Variants in BUD13 observed in about 807,000 individuals in gnomAD.
BUD13 encodes BUD13 spliceosome associated protein.
A neutral mutation model predicts 62.5 loss-of-function variants in BUD13; 47 were observed. That is an observed-to-expected ratio of 0.75 (90% CI 0.60 to 0.96). The LOEUF is 0.96. Among genes scored for constraint, BUD13 ranks in the 40% least tolerant of loss-of-function variants. The probability of loss-of-function intolerance (pLI) is 0.00; values close to 1 mark genes in which losing one functional copy is unlikely to be tolerated. For missense variants in BUD13, 821 were observed against 790.9 expected (o/e 1.04, Z -0.46); for synonymous variants, 293 against 280.1 (o/e 1.05, Z -0.46).
chr11:116,756,036 C>T (rs555810946), intron 9 of BUD13, among the ~76,000 whole-genome samples: 9 of 151,928 alleles, frequency 5.9e-5, no homozygotes, highest in African/African-American at 2.2e-4. Context: ...GGCAAAACCT[C>T]GTCTCTACTA....
rs370368913 is a variant in BUD13 at position 116,763,122 on chromosome 11, C to A, written c.467G>T (p.Arg156Leu). ...DTPDPSPRRARHDTPDPSPLR... is the reference protein window; with the variant it reads ...DTPDPSPRRALHDTPDPSPLR... ...GGGAGAAGGATCCGGGGTGTCATGA[C>A]GGGCCCTCCTAGGAGATGGATCCGG... The change falls in exon 4 of 10, where the codon CGT (arginine) becomes CTT (leucine). Residue 156 changes from arginine (R) to leucine (L), a missense_variant. Arg to Leu is a moderately radical substitution (Grantham distance 102). Around this residue, in one of 2 missense-constraint regions of BUD13, gnomAD observed 800 missense variants for 739.2 expected, o/e 1.08. Transcript: ENST00000260210. The A allele has an allele frequency of 8.7e-6, 14 of 1,605,116 alleles. No homozygotes were observed. Among genetic ancestry groups the A allele is most frequent in the Admixed American group, 1.7e-5 (1 of 59,670 alleles).
chr11:116,761,853 G>A (rs1391564813), intron 4 of BUD13, among the ~76,000 whole-genome samples: 3 of 152,106 alleles, frequency 2.0e-5, no homozygotes, highest in African/African-American at 4.8e-5. Flanking sequence ...TCTTTAAAAC[G>A]CCCACATCTT....
At chr11:116,772,727 C>A in intron 1 of BUD13, 95 bp downstream of exon 1, 3 of 1,391,340 alleles carry the variant, frequency 2.2e-6, no homozygotes, top group South Asian at 1.5e-5. Context: ...GCCGAGAGAC[C>A]CGCCAAGAGG....
intron 9 of BUD13, among the ~76,000 whole-genome samples, chr11:116,750,791 T>C (rs1399936421): frequency 1.3e-5 from 2 of 152,202 alleles, no homozygotes; most frequent in Non-Finnish European, 2.9e-5. Flanking sequence ...CCCCTTTACC[T>C]CTAGGGTGAA....
At chr11:116,760,641 C>T in intron 5 of BUD13, 94 bp downstream of exon 5, 2 of 1,367,332 alleles carry the variant, frequency 1.5e-6, no homozygotes, top group South Asian at 1.2e-5. Flanking sequence ...CTCAGAGCTA[C>T]ATCCTTCTTC....
In BUD13 at chr11:116,765,432, C is replaced by T; in HGVS notation, c.252G>A (p.Val84=). The T allele has an allele frequency of 6.2e-7, 1 of 1,614,138 alleles. No individual in the cohort carries two copies. The highest frequency in any genetic ancestry group is 8.5e-7 in the Non-Finnish European group (1 of 1,180,010). Residue 84 remains valine (V), a synonymous_variant, in exon 3 of 10, where the codon GTG becomes GTA. Coordinates refer to ENST00000260210, the MANE Select transcript of BUD13 (RefSeq NM_032725.4). The stretch of plus-strand genomic sequence containing the variant: ...GCTTTACCTCTTCTGGCCGCTCATC[C>T]ACAAACTCTGCCACCTGTGAGAGTA... The part of the protein sequence containing the change: ...DGDLPVVAEF[V]DERPEEVKQM...
intron 2 of BUD13, 112 bp from the exon 3 acceptor site, chr11:116,765,558 T>C (rs1037630361): frequency 5.5e-6 from 6 of 1,098,262 alleles, no homozygotes. Flanking sequence ...AGGGCGTACA[T>C]ATATCCAAAA....
chr11:116,750,125 C>G (rs1242685103), intron 9 of BUD13, among the ~76,000 whole-genome samples: 2 of 152,092 alleles, frequency 1.3e-5, no homozygotes, highest in African/African-American at 2.4e-5. Context: ...GAAAACATGA[C>G]TAGGTAAGAA....
At chr11:116,752,637 G>A (rs1940256575) in intron 9 of BUD13, among the ~76,000 whole-genome samples, 1 of 152,272 alleles carries the variant, frequency 6.6e-6, no homozygotes, top group African/African-American at 2.4e-5. Flanking sequence ...TGGCAAATGA[G>A]TGTTCTGAAA....
intron 4 of BUD13, among the ~76,000 whole-genome samples, chr11:116,761,556 T>C (rs1940432359): frequency 6.6e-6 from 1 of 152,122 alleles, no homozygotes; most frequent in Admixed American, 6.6e-5. Flanking sequence ...TGACTGTAAC[T>C]GGTGTGTAAA....
At chr11:116,761,646 CAA>C (rs1029209112) in intron 4 of BUD13, among the ~76,000 whole-genome samples, 22 of 152,230 alleles carry the variant, frequency 1.4e-4, no homozygotes, top group African/African-American at 5.1e-4. Flanking sequence ...CATAGTGTGG[CAA>C]AAGTCAGAAA....
At chr11:116,771,794 T>C (rs560340527) in intron 1 of BUD13, among the ~76,000 whole-genome samples, 136 of 152,348 alleles carry the variant, frequency 8.9e-4, no homozygotes, top group African/African-American at 3.1e-3. Context: ...GTGACTTCAC[T>C]GGGTATCTCA....
intron 1 of BUD13, among the ~76,000 whole-genome samples, chr11:116,771,347 G>A (rs1591303855): frequency 1.3e-5 from 2 of 151,998 alleles, no homozygotes; most frequent in East Asian, 3.9e-4. Context: ...GTTCACAGAG[G>A]CATCCTCAAC....
chr11:116,749,203 A>G (rs1438076599), intron 9 of BUD13, among the ~76,000 whole-genome samples: 1 of 152,090 alleles, frequency 6.6e-6, no homozygotes, highest in East Asian at 1.9e-4. Context: ...CATTCATTAC[A>G]CAAACATTTA....
intron 2 of BUD13, among the ~76,000 whole-genome samples, chr11:116,767,079 T>C (rs1276621718): frequency 6.6e-6 from 1 of 151,590 alleles, no homozygotes; most frequent in Non-Finnish European, 1.5e-5. Context: ...TCCCAGCTAT[T>C]TGGGAGGCTG....
At chr11:116,753,618 T>C (rs1279311297) in intron 9 of BUD13, among the ~76,000 whole-genome samples, 1 of 152,196 alleles carries the variant, frequency 6.6e-6, no homozygotes, top group Non-Finnish European at 1.5e-5. Context: ...GAAAATGTAA[T>C]ACACACTGAA....
At chr11:116,765,313 G>T in intron 3 of BUD13, 49 bp downstream of exon 3, 1 of 1,569,366 alleles carries the variant, frequency 6.4e-7, no homozygotes, top group Non-Finnish European at 8.8e-7. Context: ...AAGGAAAAAA[G>T]ATCTCCCCTA....
chr11:116,758,168 C>G, intron 7 of BUD13, 101 bp downstream of exon 7: 1 of 1,525,940 alleles, frequency 6.6e-7, no homozygotes, highest in Non-Finnish European at 8.9e-7. Flanking sequence ...TTACTGATAA[C>G]AGCTCTGAAG....
intron 9 of BUD13, among the ~76,000 whole-genome samples, chr11:116,749,581 C>T (rs1366398306): frequency 6.6e-6 from 1 of 152,118 alleles, no homozygotes; most frequent in African/African-American, 2.4e-5. Context: ...CTGGTATGTG[C>T]AGCAAACCAA....
Sources: gnomAD v4.1 joint callset for allele counts (sites outside exome capture counted in the v4.1 genomes callset) on GRCh38, gnomAD v4.1.1 for gene constraint, gnomAD v4.1.1 regional missense constraint, MANE v1.5 for transcripts, NCBI Gene and HGNC (gene_info 2026-07-23, HGNC 2026-07-21) for gene names.